Variants in IMPG1 observed in about 807,000 individuals in gnomAD.
The protein encoded by IMPG1 is interphotoreceptor matrix proteoglycan of 150 kDa.
IMPG1 carries 85 observed loss-of-function variants against 92.0 expected under a neutral mutation model. The observed-to-expected ratio is 0.92, with a 90% confidence interval of 0.78 to 1.11. IMPG1 has a LOEUF of 1.11. IMPG1 is among the 50% of genes least tolerant of loss of function. The probability of loss-of-function intolerance (pLI) is 0.00; values close to 1 mark genes in which losing one functional copy is unlikely to be tolerated. For missense variants in IMPG1, 1,022 were observed against 956.0 expected, an observed-to-expected ratio of 1.07 and a Z score of -0.91; for synonymous variants, 367 against 334.1, an observed-to-expected ratio of 1.10 and a Z score of -1.08.
intron 12 of IMPG1, among the ~76,000 whole-genome samples, chr6:75,968,290 T>C (rs1332622910): frequency 6.6e-6 from 1 of 152,216 alleles, no homozygotes; most frequent in South Asian, 2.1e-4. Context: ...TTTTTCTTAA[T>C]TGCTAGAGAT....
intron 1 of IMPG1, among the ~76,000 whole-genome samples, chr6:76,063,747 G>T (rs1372794109): frequency 6.6e-6 from 1 of 152,214 alleles, no homozygotes; most frequent in Non-Finnish European, 1.5e-5. Flanking sequence ...TAAAATTGCA[G>T]CAGCCACATA....
intron 12 of IMPG1, among the ~76,000 whole-genome samples, chr6:75,972,931 T>G (rs1782446857): frequency 6.6e-6 from 1 of 152,182 alleles, no homozygotes; most frequent in Non-Finnish European, 1.5e-5. Flanking sequence ...TCATTTTTTA[T>G]AGAGAATCAG....
chr6:76,062,426 A>G (rs1784222943), intron 1 of IMPG1, among the ~76,000 whole-genome samples: 1 of 152,230 alleles, frequency 6.6e-6, no homozygotes, highest in Non-Finnish European at 1.5e-5. Flanking sequence ...TGACATAATA[A>G]AACTACAAAA....
intron 15 of IMPG1, among the ~76,000 whole-genome samples, chr6:75,927,327 TCTTAA>T (rs796743813): frequency 4.1e-4 from 63 of 152,294 alleles, no homozygotes; most frequent in African/African-American, 1.4e-3. Flanking sequence ...GGGGCAGAGC[TCTTAA>T]CTTAAATTTG....
In IMPG1 at chr6:76,018,868, A is replaced by T. The variant is rs545558304; in HGVS notation, c.667-10T>A. 18 of 607,358 alleles carry T rather than the reference A, an allele frequency of 3.0e-5. No homozygotes were observed. The highest frequency in any genetic ancestry group is 2.3e-4 in the African/African-American group (11 of 47,998). The allele number at this position is 607,358 out of a possible 1,614,324, so 37.6% of individuals were successfully genotyped here. On this transcript the variant is annotated splice_polypyrimidine_tract_variant and intron_variant, in intron 6 of 16. Coordinates refer to ENST00000369950, the MANE Select transcript of IMPG1 (RefSeq NM_001563.4). ...ATTCTGTTTCTCTTTCCTGAGTTTAAAAAAAAAAAAAAGGACTTCTGTTAA... is the reference window on the plus strand; with the variant it reads ...ATTCTGTTTCTCTTTCCTGAGTTTATAAAAAAAAAAAAGGACTTCTGTTAA...
chr6:76,019,563 C>T (rs1362273595), intron 6 of IMPG1, among the ~76,000 whole-genome samples: 1 of 152,154 alleles, frequency 6.6e-6, no homozygotes, highest in Non-Finnish European at 1.5e-5. Flanking sequence ...TTGTCACAAA[C>T]TCCCCTCCAC....
rs1422297549 is a variant in IMPG1 at position 76,005,287 on chromosome 6, C to A, written c.1135G>T (p.Glu379Ter). The A allele has an allele frequency of 6.2e-7, 1 of 1,613,688 alleles. No homozygotes were observed. Among genetic ancestry groups the A allele is most frequent in the Non-Finnish European group, 8.5e-7 (1 of 1,179,752 alleles). ...LDVGTIQFTD[E>*]IAGSLPAFGP... ...CAGAACTAAGCAATCATTAACTGAC[C>A]ATCAGTGAACTGAATTGTCCCCACA... Residue 379 changes from glutamate (E) to a stop codon, truncating the protein, a stop_gained and splice_region_variant, in exon 10 of 17, where the codon GAA (glutamate) becomes TAA (stop). Coordinates refer to ENST00000369950, the MANE Select transcript of IMPG1 (RefSeq NM_001563.4). LOFTEE classifies it high-confidence loss of function.
Position 75,965,678 on chromosome 6 carries a change from G to C in IMPG1, c.1292-14584C>G, listed in dbSNP as rs571490088. Among the ~76,000 whole-genome samples the C allele has an allele frequency of 3.0e-3, 394 of 132,414 alleles. 2 individuals carry two copies. The highest frequency in any genetic ancestry group is 0.011 in the African/African-American group (376 of 34,780). 86.9% of individuals were successfully genotyped at this position (132,414 alleles called of 152,430 possible). ...GCTGGAGTGCAGTGTGGCCGGTCTT[G>C]GCTTACTGCAAGCTCCGCCTCTGGG... On this transcript the variant is annotated intron_variant, in intron 12 of 16. Coordinates refer to ENST00000369950, the MANE Select transcript of IMPG1 (RefSeq NM_001563.4).
rs542453710 is a variant in IMPG1, at chr6:75,991,669, CTCT to C, written c.1291+11246_1291+11248del. Among the ~76,000 whole-genome samples the C allele has an allele frequency of 3.0e-3, 461 of 152,322 alleles. 1 individual carries two copies. The highest frequency in any genetic ancestry group is 0.01 in the African/African-American group (424 of 41,576). ...TTATTGAGTGCATATTTCCTGTCCT[CTCT>C]TCTTCTGCTACGAGCTCCTTCCAGT... On this transcript the variant is annotated intron_variant, in intron 12 of 16. Transcript: ENST00000369950.
chr6:75,955,854 T>A (rs1782110859), intron 12 of IMPG1, among the ~76,000 whole-genome samples: 1 of 152,232 alleles, frequency 6.6e-6, no homozygotes. Context: ...TCTATTGGGA[T>A]AATCATGTAG....
At chr6:75,992,200 C>CAA (rs1467642643) in intron 12 of IMPG1, among the ~76,000 whole-genome samples, 1 of 152,218 alleles carries the variant, frequency 6.6e-6, no homozygotes, top group Non-Finnish European at 1.5e-5. Flanking sequence ...TGCAACTTTC[C>CAA]CTGGTTTTCC....
chr6:76,015,133 C>A (rs776541078), intron 7 of IMPG1, among the ~76,000 whole-genome samples: 4 of 152,216 alleles, frequency 2.6e-5, no homozygotes, highest in Non-Finnish European at 5.9e-5. Context: ...AAGGTTTGCA[C>A]AGGAGAAAGC....
chr6:75,925,357 A>G (rs1161024802), intron 15 of IMPG1, among the ~76,000 whole-genome samples: 1 of 152,192 alleles, frequency 6.6e-6, no homozygotes, highest in Non-Finnish European at 1.5e-5. Flanking sequence ...TTTGCATTAT[A>G]AAATGGGTAT....
At chr6:75,998,725 C>G (rs561305577) in intron 12 of IMPG1, among the ~76,000 whole-genome samples, 2 of 152,196 alleles carry the variant, frequency 1.3e-5, no homozygotes, top group Non-Finnish European at 2.9e-5. Context: ...GCCGCCTACA[C>G]GTCTAAACCA....
intron 1 of IMPG1, among the ~76,000 whole-genome samples, chr6:76,049,800 G>T (rs1017343603): frequency 2.6e-5 from 4 of 152,166 alleles, no homozygotes; most frequent in African/African-American, 9.7e-5. Flanking sequence ...AGTATTTAGG[G>T]GGGCATAAAG....
chr6:75,971,788 A>C (rs990399457), intron 12 of IMPG1, among the ~76,000 whole-genome samples: 1 of 152,190 alleles, frequency 6.6e-6, no homozygotes, highest in Non-Finnish European at 1.5e-5. Context: ...ACAGTAGTGC[A>C]AATTATTCTT....
chr6:76,043,880 GA>G (rs1281858156), intron 1 of IMPG1, among the ~76,000 whole-genome samples: 1 of 152,202 alleles, frequency 6.6e-6, no homozygotes, highest in East Asian at 1.9e-4. Flanking sequence ...TTCCCCTGAT[GA>G]TGGCCAGCAG....
chr6:75,952,780 G>C (rs1489173624), intron 12 of IMPG1, among the ~76,000 whole-genome samples: 1 of 152,138 alleles, frequency 6.6e-6, no homozygotes, highest in Non-Finnish European at 1.5e-5. Context: ...AGAGACTCAA[G>C]AGAGATGATC....
At chr6:75,985,359 A>G (rs548389072) in intron 12 of IMPG1, among the ~76,000 whole-genome samples, 2 of 152,312 alleles carry the variant, frequency 1.3e-5, no homozygotes, top group East Asian at 3.9e-4. Context: ...CCACATTTGT[A>G]TGGTTAAAGA....
Sources: allele counts gnomAD v4.1 joint callset (sites outside exome capture counted in the v4.1 genomes callset), GRCh38; gene constraint gnomAD v4.1.1; transcripts MANE v1.5; gene names NCBI Gene and HGNC (gene_info 2026-07-23, HGNC 2026-07-21).